BIRC3: variants seen among roughly 807,000 people sequenced by gnomAD.
BIRC3 encodes the protein baculoviral IAP repeat containing 3, also known as baculoviral IAP repeat-containing protein 3.
In BIRC3, 26 loss-of-function variants were observed where a neutral mutation model predicts 59.0. The observed-to-expected ratio is 0.44, with a 90% CI of 0.32 to 0.61. The LOEUF (loss-of-function observed/expected upper bound fraction) is 0.61. Among genes scored for constraint, BIRC3 ranks in the 20% least tolerant of loss-of-function variants. The pLI, the probability that BIRC3 is intolerant of heterozygous loss-of-function variation, is 0.04. For missense variants in BIRC3, 641 were observed against 711.5 expected (o/e 0.90, Z 1.13); for synonymous variants, 243 against 249.2 (o/e 0.98, Z 0.24).
chr11:102,322,453 A>G lies in BIRC3; in HGVS notation c.-2057A>G. On this transcript the variant is annotated 5_prime_UTR_variant, in exon 2 of 9. Coordinates refer to ENST00000263464, the MANE Select transcript of BIRC3 (RefSeq NM_001165.5). ...AGGCCACTGATATTTTAAACGTCCA[A>G]AAGTTTGTTTAAATGGGCTGTTACC... The G allele has an allele frequency of 4.8e-6, 1 of 206,332 alleles. No homozygotes were observed. The highest frequency in any genetic ancestry group is 5.9e-5 in the Admixed American group (1 of 16,812). 12.8% of individuals were successfully genotyped at this position (206,332 alleles called of 1,614,324 possible).
chr11:102,330,449 G>C (rs1951127602), intron 5 of BIRC3, among the ~76,000 whole-genome samples: 1 of 152,172 alleles, frequency 6.6e-6, no homozygotes. Context: ...AGGTAAACAA[G>C]GTTCAGATTG....
intron 3 of BIRC3, 43 bp downstream of exon 3, chr11:102,325,608 A>G (rs903274759): frequency 6.4e-7 from 1 of 1,571,192 alleles, no homozygotes; most frequent in South Asian, 1.1e-5. Context: ...TGTGATTATC[A>G]TGAGATTGCT....
At position 102,327,360 on chromosome 11, in the gene BIRC3, G is replaced by A. The variant is rs17885186; in HGVS notation, c.954-692G>A. ...GAACTTTTCAAAATTAGCTGAAGTGGTCGGGTGCAGTGGCTCATGCCTGTA... is the reference window on the plus strand; with the variant it reads ...GAACTTTTCAAAATTAGCTGAAGTGATCGGGTGCAGTGGCTCATGCCTGTA... On this transcript the variant is annotated intron_variant, in intron 3 of 8. Coordinates refer to ENST00000263464, the MANE Select transcript of BIRC3 (RefSeq NM_001165.5). 1.6e-3 allele frequency among the ~76,000 whole-genome samples: 251 copies of A among 152,322 alleles called. 2 individuals carry two copies. Among genetic ancestry groups the A allele is most frequent in the African/African-American group, 5.9e-3 (245 of 41,574 alleles).
At chr11:102,318,165 G>C (rs958962152) in intron 1 of BIRC3, among the ~76,000 whole-genome samples, 1 of 152,188 alleles carries the variant, frequency 6.6e-6, no homozygotes, top group Admixed American at 6.5e-5. Flanking sequence ...TACCTGCTAT[G>C]TGCTAGGTTT....
intron 5 of BIRC3, among the ~76,000 whole-genome samples, chr11:102,330,396 G>A (rs1951127235): frequency 6.6e-6 from 1 of 152,234 alleles, no homozygotes; most frequent in South Asian, 2.1e-4. Flanking sequence ...CTGGGCTAGA[G>A]TGCAGAATGT....
chr11:102,328,146 T>A lies in BIRC3; in HGVS notation c.1032+16T>A. On this transcript the variant is annotated intron_variant, in intron 4 of 8. Transcript: ENST00000263464. ...ACTTGAACAGGTAGGGCAAGTTCTTTTTTTAAATATTGGTTGCCATCAGAG... is the reference window on the plus strand; with the variant it reads ...ACTTGAACAGGTAGGGCAAGTTCTTATTTTAAATATTGGTTGCCATCAGAG... 1 of 1,596,362 alleles carries A rather than the reference T, an allele frequency of 6.3e-7. No homozygotes were observed. Among genetic ancestry groups the A allele is most frequent in the Non-Finnish European group, 8.5e-7 (1 of 1,170,030 alleles).
chr11:102,338,304 G>A lies in BIRC3; in HGVS notation c.*1202G>A, dbSNP rs951585894. 1 of 228,330 alleles carries A rather than the reference G, an allele frequency of 4.4e-6. No individual in the cohort carries two copies. The highest frequency in any genetic ancestry group is 2.2e-5 in the African/African-American group (1 of 45,058). 14.1% of individuals were successfully genotyped at this position (228,330 alleles called of 1,614,324 possible). A position where few individuals can be genotyped will look rare whatever the true frequency, so the allele number is the denominator to read the frequency against. On this transcript the variant is annotated 3_prime_UTR_variant, in exon 9 of 9. Coordinates refer to ENST00000263464, the MANE Select transcript of BIRC3 (RefSeq NM_001165.5). ...CTAGTCATCTAAACCAGTTCTAGATGTCTGTATAGGGGCAGATGGCTCTGT... is the reference window on the plus strand; with the variant it reads ...CTAGTCATCTAAACCAGTTCTAGATATCTGTATAGGGGCAGATGGCTCTGT...
Position 102,336,947 on chromosome 11 carries a change from G to C in BIRC3, c.1660G>C (p.Glu554Gln). ...VEEQLRRLQE[E>Q]RTCKVCMDKE... ...AGAACAATTGCGGAGACTACAAGAA[G>C]AAAGAACATGTAAAGTGTGTATGGA... Residue 554 changes from glutamate to glutamine, a missense_variant, in exon 9 of 9, where the codon GAA becomes CAA. Physicochemically the swap from Glu to Gln is conservative, Grantham distance 29 (BLOSUM62 2). This residue lies in a region of BIRC3 where 41 missense variants were observed against 73.4 expected (regional missense o/e 0.56). Transcript: ENST00000263464. The C allele has an allele frequency of 6.2e-7, 1 of 1,603,404 alleles. No individual in the cohort carries two copies. The highest frequency in any genetic ancestry group is 1.1e-5 in the South Asian group (1 of 87,684).
In BIRC3 at chr11:102,336,196, G is replaced by C. The variant is rs1453451870; in HGVS notation, c.1555G>C (p.Ala519Pro). Residue 519 changes from alanine to proline, a missense_variant, in exon 7 of 9, where the codon GCT becomes CCT. By Grantham distance (27) the Ala-to-Pro change is conservative (BLOSUM62 -1). This residue lies in a region of BIRC3 where 268 missense variants were observed against 255.7 expected (regional missense o/e 1.05). Transcript: ENST00000263464. ...CAGAAACTCTCTGCAAGAAGCTGAAGCTGTGTTATATGAGCATTTATTTGG... is the reference window on the plus strand; with the variant it reads ...CAGAAACTCTCTGCAAGAAGCTGAACCTGTGTTATATGAGCATTTATTTGG... ...VFRNSLQEAE[A>P]VLYEHLFVQQ... is the part of the protein sequence containing the mutation. The C allele has an allele frequency of 1.2e-6, 2 of 1,611,950 alleles. No individual in the cohort carries two copies. Among genetic ancestry groups the C allele is most frequent in the African/African-American group, 2.7e-5 (2 of 74,800 alleles).
In BIRC3 at chr11:102,317,588, GGTGT is replaced by G. The variant is rs57970279; in HGVS notation, c.-2674+35_-2674+38del. On this transcript the variant is annotated intron_variant, in intron 1 of 8. Transcript: ENST00000263464. ...GGGCAGCAGGTGGGCAAGGAAGGCT[GGTGT>G]GTGTGTGTGTGTGTGTGCGTGTGTG... 9 of 151,022 alleles carry G rather than the reference GGTGT, an allele frequency of 6.0e-5. No homozygotes were observed. Among genetic ancestry groups the G allele is most frequent in the South Asian group, 2.1e-4 (1 of 4,786 alleles). The allele number at this position is 151,022 out of a possible 1,614,324, so 9.4% of individuals were successfully genotyped here.
chr11:102,337,592 A>T lies in BIRC3; in HGVS notation c.*490A>T. ...ACAAACAGAACAAAAACAAAACACCAGGGACACATTTCTCTGTCTTTTTTG... is the reference window on the plus strand; with the variant it reads ...ACAAACAGAACAAAAACAAAACACCTGGGACACATTTCTCTGTCTTTTTTG... On this transcript the variant is annotated 3_prime_UTR_variant, in exon 9 of 9. Coordinates refer to ENST00000263464, the MANE Select transcript of BIRC3 (RefSeq NM_001165.5). 2 of 371,656 alleles carry T rather than the reference A, an allele frequency of 5.4e-6. No homozygotes were observed. The highest frequency in any genetic ancestry group is 9.6e-6 in the Non-Finnish European group (2 of 208,884). 23.0% of individuals were successfully genotyped at this position (371,656 alleles called of 1,614,324 possible).
intron 3 of BIRC3, chr11:102,326,706 T>C (rs773322980): frequency 2.6e-5 from 12 of 454,384 alleles, no homozygotes; most frequent in African/African-American, 6.0e-5. Flanking sequence ...TTTTGATTAC[T>C]TTTTTTCCTC....
chr11:102,328,090 T>C lies in BIRC3; in HGVS notation c.992T>C (p.Ile331Thr), dbSNP rs746893155. ...ATAAGAATTAAAGGACAGGAGTTCA[T>C]CCGTCAAGTTCAAGCCAGTTACCCT... ...YLIRIKGQEF[I>T]RQVQASYPHL... The change falls in exon 4 of 9, where the codon ATC (isoleucine) becomes ACC (threonine). Residue 331 changes from isoleucine (I) to threonine (T), a missense_variant. By Grantham distance (89) the Ile-to-Thr change is moderately conservative. This residue lies in a region of BIRC3 where 268 missense variants were observed against 255.7 expected (regional missense o/e 1.05). Coordinates refer to ENST00000263464, the MANE Select transcript of BIRC3 (RefSeq NM_001165.5). 60 of 1,609,828 alleles carry C rather than the reference T, an allele frequency of 3.7e-5. No individual in the cohort carries two copies. The highest frequency in any genetic ancestry group is 5.0e-5 in the Non-Finnish European group (59 of 1,178,792).
intron 3 of BIRC3, among the ~76,000 whole-genome samples, chr11:102,327,336 A>G (rs905220601): frequency 6.6e-6 from 1 of 152,208 alleles, no homozygotes; most frequent in African/African-American, 2.4e-5. Flanking sequence ...AAACCTTTAG[A>G]ACTTTTCAAA....
chr11:102,324,392 TA>T lies in BIRC3; in HGVS notation c.-112del. ...TCTAAATGCATAGAAATAAAAATAATAAAAAATTTTTCATTTTGGCTTTTCA... is the reference window on the plus strand; with the variant it reads ...TCTAAATGCATAGAAATAAAAATAATAAAAATTTTTCATTTTGGCTTTTCA... On this transcript the variant is annotated 5_prime_UTR_variant, in exon 2 of 9. An upstream open reading frame in the 5' UTR gains an earlier in-frame stop. Coordinates refer to ENST00000263464, the MANE Select transcript of BIRC3 (RefSeq NM_001165.5). 1 of 1,173,274 alleles carries T rather than the reference TA, an allele frequency of 8.5e-7. No individual in the cohort carries two copies. The allele number at this position is 1,173,274 out of a possible 1,614,324, so 72.7% of individuals were successfully genotyped here. A position where few individuals can be genotyped will look rare whatever the true frequency, so the allele number is the denominator to read the frequency against.
At chr11:102,334,991 A>G (rs1951181768) in intron 6 of BIRC3, among the ~76,000 whole-genome samples, 1 of 152,222 alleles carries the variant, frequency 6.6e-6, no homozygotes, top group South Asian at 2.1e-4. Context: ...TTGTAATCCC[A>G]GCACTTTTGG....
chr11:102,327,372 G>T (rs1951094060), intron 3 of BIRC3, among the ~76,000 whole-genome samples: 1 of 152,152 alleles, frequency 6.6e-6, no homozygotes, highest in African/African-American at 2.4e-5. Flanking sequence ...CGGGTGCAGT[G>T]GCTCATGCCT....
At chr11:102,329,190 A>C (rs1951114249) in intron 5 of BIRC3, among the ~76,000 whole-genome samples, 1 of 152,206 alleles carries the variant, frequency 6.6e-6, no homozygotes, top group Non-Finnish European at 1.5e-5. Context: ...GAGTATCTAA[A>C]GGTGGGGCTC....
At chr11:102,318,448 T>C (rs2135779867) in intron 1 of BIRC3, among the ~76,000 whole-genome samples, 1 of 152,364 alleles carries the variant, frequency 6.6e-6, no homozygotes, top group African/African-American at 2.4e-5. Flanking sequence ...AGTCATTTAC[T>C]TCTTCAACGG....
Sources: gnomAD v4.1 joint callset for allele counts (sites outside exome capture counted in the v4.1 genomes callset) on GRCh38, gnomAD v4.1.1 for gene constraint, gnomAD v4.1.1 regional missense constraint, MANE v1.5 for transcripts, NCBI Gene and HGNC (gene_info 2026-07-23, HGNC 2026-07-21) for gene names.